KRT24: variants seen among roughly 807,000 people sequenced by gnomAD.
KRT24 encodes keratin 24, also known as keratin, type I cytoskeletal 24.
In KRT24, 44 loss-of-function variants were observed where a neutral mutation model predicts 51.7. The observed-to-expected ratio is 0.85, with a 90% CI of 0.67 to 1.09. The LOEUF is 1.09. Ranked by LOEUF, KRT24 falls within the 50% of genes least tolerant of loss-of-function variation. The pLI is 0.00. For missense variants in KRT24, 633 were observed against 647.0 expected (o/e 0.98, Z 0.24); for synonymous variants, 241 against 249.5 (o/e 0.97, Z 0.32).
rs1424292599 is a variant in KRT24, at chr17:40,703,312, C to T, written c.382G>A (p.Gly128Ser). 3 of 1,614,114 alleles carry T rather than the reference C, an allele frequency of 1.9e-6. No homozygotes were observed. Among genetic ancestry groups the T allele is most frequent in the South Asian group, 2.2e-5 (2 of 91,080 alleles). Reference protein sequence around the residue: ...GFYSYGGGMGGGVGDGGLFSG... With the variant: ...GFYSYGGGMGSGVGDGGLFSG... ...AAAAGCCCCCCATCGCCAACACCAC[C>T]TCCCATACCACCACCATAGCTGTAG... The change falls in exon 1 of 8, where the codon GGT (glycine) becomes AGT (serine). Residue 128 changes from glycine (G) to serine (S), a missense_variant. By Grantham distance (56) the Gly-to-Ser change is moderately conservative (BLOSUM62 0). Transcript: ENST00000264651.
Position 40,699,579 on chromosome 17 carries a change from G to A in KRT24, c.1226C>T (p.Ala409Val). Residue 409 changes from alanine (A) to valine (V), a missense_variant, in exon 6 of 8, where the codon GCC (alanine) becomes GTC (valine). Coordinates refer to ENST00000264651, the MANE Select transcript of KRT24 (RefSeq NM_019016.3). Reference protein sequence around the residue: ...QLSEIQTQISALEEEICQIWG... With the variant: ...QLSEIQTQISVLEEEICQIWG... ...GATCTGGCAGATCTCCTCCTCCAGGGCACTGATCTGCGTTTGAATTTCTGA... is the reference window on the plus strand; with the variant it reads ...GATCTGGCAGATCTCCTCCTCCAGGACACTGATCTGCGTTTGAATTTCTGA... 1 of 1,614,132 alleles carries A rather than the reference G, an allele frequency of 6.2e-7. No homozygotes were observed. The highest frequency in any genetic ancestry group is 8.5e-7 in the Non-Finnish European group (1 of 1,180,006).
At position 40,703,066 on chromosome 17, in the gene KRT24, C is replaced by T. The variant is rs2037700534; in HGVS notation, c.615+13G>A. Reference sequence around the variant, plus strand: ...TCCACAAATAATAGAAACTCAGGCACAGATAGTCTCACCTGGTTTCTGAGA... The same window carrying T: ...TCCACAAATAATAGAAACTCAGGCATAGATAGTCTCACCTGGTTTCTGAGA... On this transcript the variant is annotated intron_variant, in intron 1 of 7. Coordinates refer to ENST00000264651, the MANE Select transcript of KRT24 (RefSeq NM_019016.3). The T allele has an allele frequency of 1.3e-6, 2 of 1,569,908 alleles. No individual in the cohort carries two copies. Among genetic ancestry groups the T allele is most frequent in the Non-Finnish European group, 8.6e-7 (1 of 1,160,406 alleles).
chr17:40,701,165 G>A lies in KRT24; in HGVS notation c.830C>T (p.Ala277Val), dbSNP rs776657348. The A allele has an allele frequency of 2.6e-5, 42 of 1,613,890 alleles. No individual in the cohort carries two copies. Among genetic ancestry groups the A allele is most frequent in the Non-Finnish European group, 3.5e-5 (41 of 1,179,968 alleles). Residue 277 changes from alanine to valine, a missense_variant, in exon 3 of 8, where the codon GCC becomes GTC. Coordinates refer to ENST00000264651, the MANE Select transcript of KRT24 (RefSeq NM_019016.3). ...CTCCTCGTGGTTCTTCCTCAGGTAG[G>A]CTAGCTCCTCGGTGAAACTCTCAAT... is the stretch of plus-strand genomic sequence containing the variant. ...MQIESFTEELAYLRKNHEEEM... is the reference protein window; with the variant it reads ...MQIESFTEELVYLRKNHEEEM...
Position 40,698,330 on chromosome 17 carries a change from C to G in KRT24, c.1485G>C (p.Lys495Asn). The change falls in exon 8 of 8, where the codon AAG becomes AAC. Residue 495 changes from lysine (K) to asparagine (N), a missense_variant. By Grantham distance (94) the Lys-to-Asn change is moderately conservative (BLOSUM62 0). Transcript: ENST00000264651. The stretch of plus-strand genomic sequence containing the variant: ...CTACGATAGTCTTAGTCACTCTAGT[C>G]TTGCTTGAATCTGAAAATCATGGGA... ...SCSGQGRDSS[K>N]TRVTKTIVEE... 1 of 1,607,692 alleles carries G rather than the reference C, an allele frequency of 6.2e-7. No homozygotes were observed. The highest frequency in any genetic ancestry group is 8.5e-7 in the Non-Finnish European group (1 of 1,174,462).
Position 40,698,669 on chromosome 17 carries a change from A to G in KRT24, c.1362-19T>C. On this transcript the variant is annotated intron_variant, in intron 6 of 7. Transcript: ENST00000264651. ...AGAACCACTGGAGAAAAAAAGAATTATGTTTTCCTTTGCAGTTTGCAAAGG... is the reference window on the plus strand; with the variant it reads ...AGAACCACTGGAGAAAAAAAGAATTGTGTTTTCCTTTGCAGTTTGCAAAGG... The G allele has an allele frequency of 7.7e-7, 1 of 1,301,380 alleles. No individual in the cohort carries two copies. Among genetic ancestry groups the G allele is most frequent in the African/African-American group, 1.5e-5 (1 of 68,366 alleles). The allele number at this position is 1,301,380 out of a possible 1,614,324, so 80.6% of individuals were successfully genotyped here. A position where few individuals can be genotyped will look rare whatever the true frequency, so the allele number is the denominator to read the frequency against.
Position 40,699,639 on chromosome 17 carries a change from A to G in KRT24, c.1166T>C (p.Leu389Pro), listed in dbSNP as rs1250278553. Residue 389 changes from leucine (L) to proline (P), a missense_variant, in exon 6 of 8, where the codon CTG becomes CCG. Transcript: ENST00000264651. ...CACGTAGCCAGCTTCTGTGTCAGCC[A>G]GGGTTCCCTCCAGGGAGCTTTTCTA... is the stretch of plus-strand genomic sequence containing the variant. ...LAMKSSLEGT[L>P]ADTEAGYVAQ... 1 of 1,614,204 alleles carries G rather than the reference A, an allele frequency of 6.2e-7. No homozygotes were observed. The highest frequency in any genetic ancestry group is 8.5e-7 in the Non-Finnish European group (1 of 1,180,014).
chr17:40,699,734 A>C, intron 5 of KRT24, 73 bp from the exon 6 acceptor site: 1 of 1,334,832 alleles, frequency 7.5e-7, no homozygotes, highest in African/African-American at 1.4e-5. Context: ...ATGCAATTTT[A>C]TGTGGCACTA....
In KRT24 at chr17:40,703,637, C is replaced by A. The variant is rs780039420; in HGVS notation, c.57G>T (p.Arg19Ser). 6.2e-7 allele frequency: 1 copy of A among 1,605,806 alleles called. No homozygotes were observed. Among genetic ancestry groups the A allele is most frequent in the Non-Finnish European group, 8.5e-7 (1 of 1,176,388 alleles). Residue 19 changes from arginine (R) to serine (S), a missense_variant, in exon 1 of 8, where the codon AGG (arginine) becomes AGT (serine). Arg to Ser is a moderately radical substitution (Grantham distance 110). Transcript: ENST00000264651. ...TGAAGCTGCTTCCACCAGCAGACAC[C>A]CTGGCTGAGCTGCTGCCTCCAGCCC... is the stretch of plus-strand genomic sequence containing the variant. ...SSRAGGSSSA[R>S]VSAGGSSFSS...
At position 40,699,480 on chromosome 17, in the gene KRT24, A is replaced by C. The variant is rs574714079; in HGVS notation, c.1325T>G (p.Ile442Ser). ...ATCGAGCAGGCGGCGGTAGGTCTCG[A>C]TCTCCACCTCCAGGCGTGTCTTGAT... ...LDIKTRLEVE[I>S]ETYRRLLDGE... Residue 442 changes from isoleucine to serine, a missense_variant, in exon 6 of 8, where the codon ATC becomes AGC. Transcript: ENST00000264651. 1 of 1,614,042 alleles carries C rather than the reference A, an allele frequency of 6.2e-7. No homozygotes were observed. The highest frequency in any genetic ancestry group is 2.2e-5 in the East Asian group (1 of 44,878).
rs139690603 is a variant in KRT24, at chr17:40,701,376, A to G, written c.699-80T>C. ...CAAAGGGTACCTTCCATTCTTACAT[A>G]TTGAAAAAGTTCTCACTTGTGGGCA... On this transcript the variant is annotated intron_variant, in intron 2 of 7. Coordinates refer to ENST00000264651, the MANE Select transcript of KRT24 (RefSeq NM_019016.3). 3.2e-5 allele frequency: 39 copies of G among 1,209,976 alleles called. No individual in the cohort carries two copies. The East Asian group carries it at 9.7e-4, about 30-fold the overall frequency. The allele number at this position is 1,209,976 out of a possible 1,614,324, so 75.0% of individuals were successfully genotyped here.
intron 1 of KRT24, 148 bp downstream of exon 1, chr17:40,702,931 A>G (rs886681170): frequency 1.4e-6 from 1 of 706,296 alleles, no homozygotes; most frequent in Non-Finnish European, 2.2e-6. Context: ...AAGGTACTAT[A>G]ATAATTAAGA....
At chr17:40,702,005 G>T in intron 1 of KRT24, 72 bp from the exon 2 acceptor site, 1 of 696,464 alleles carries the variant, frequency 1.4e-6, no homozygotes, top group Non-Finnish European at 2.4e-6. Context: ...ACTTGTAAGG[G>T]TAGCTGTTGC....
chr17:40,700,132 A>T lies in KRT24; in HGVS notation c.1018-9T>A. 11 of 1,614,146 alleles carry T rather than the reference A, an allele frequency of 6.8e-6. No homozygotes were observed. Among genetic ancestry groups the T allele is most frequent in the Admixed American group, 1.7e-5 (1 of 60,016 alleles). ...GCTTGTAGTGATGCGCTCTAAATAC[A>T]AACATAATGCAGCTGTTGTAGGCTG... On this transcript the variant is annotated splice_polypyrimidine_tract_variant and intron_variant, in intron 4 of 7. Transcript: ENST00000264651.
At chr17:40,702,743 A>G (rs2037697481) in intron 1 of KRT24, among the ~76,000 whole-genome samples, 1 of 152,222 alleles carries the variant, frequency 6.6e-6, no homozygotes, top group Admixed American at 6.5e-5. Flanking sequence ...AAGACAATAA[A>G]ATGTGTCAGT....
At position 40,701,149 on chromosome 17, in the gene KRT24, G is replaced by A. The variant is rs76253297; in HGVS notation, c.846C>T (p.Asn282=). 10,473 of 1,613,684 alleles carry A rather than the reference G, an allele frequency of 6.5e-3. 529 individuals carry two copies. In the African/African-American group the frequency reaches 0.11, roughly 17 times the overall value. ...TAGAACATGTTCCTACCTCCTCGTG[G>A]TTCTTCCTCAGGTAGGCTAGCTCCT... ...FTEELAYLRK[N]HEEEMKNMQG... is the part of the protein sequence containing the mutation. Residue 282 remains asparagine (N), a synonymous_variant, in exon 3 of 8, where the codon AAC becomes AAT. Coordinates refer to ENST00000264651, the MANE Select transcript of KRT24 (RefSeq NM_019016.3).
chr17:40,699,293 T>A, intron 6 of KRT24, 151 bp downstream of exon 6: 1 of 641,018 alleles, frequency 1.6e-6, no homozygotes, highest in Non-Finnish European at 2.8e-6. Context: ...CCCAAAGTGC[T>A]GGGATTACAG....
rs2144085131 is a variant in KRT24, at chr17:40,703,709, A to G, written c.-16T>C. ...AGCAAGACATGGTGCTCCTGCAAAC[A>G]TGAGCTTGTCCAGGCGAATAGGAGA... On this transcript the variant is annotated 5_prime_UTR_variant, in exon 1 of 8. The change abolishes an upstream ATG in the 5' untranslated region. Transcript: ENST00000264651. 6.5e-7 allele frequency: 1 copy of G among 1,536,710 alleles called. No individual in the cohort carries two copies. The highest frequency in any genetic ancestry group is 8.7e-7 in the Non-Finnish European group (1 of 1,143,350).
At chr17:40,699,029 A>G (rs982778712) in intron 6 of KRT24, among the ~76,000 whole-genome samples, 7 of 152,146 alleles carry the variant, frequency 4.6e-5, no homozygotes, top group Middle Eastern at 3.4e-3. Flanking sequence ...GGTGTGTGCC[A>G]CCACGCCTGG....
intron 7 of KRT24, 97 bp downstream of exon 7, chr17:40,698,441 G>C: frequency 1.8e-6 from 2 of 1,114,780 alleles, no homozygotes; most frequent in South Asian, 1.3e-5. Context: ...GTCTGGGTAA[G>C]ATTATGTAAA....
Sources: gnomAD v4.1 joint callset for allele counts (sites outside exome capture counted in the v4.1 genomes callset) on GRCh38, gnomAD v4.1.1 for gene constraint, MANE v1.5 for transcripts, NCBI Gene and HGNC (gene_info 2026-07-23, HGNC 2026-07-21) for gene names.